The following SAMMSON variants were observed in gnomAD, a reference collection of about 807,000 sequenced individuals.
SAMMSON encodes the protein long intergenic non-protein coding RNA 1212.
chr3:70,234,664 T>C (rs1001068068), intron 4 of SAMMSON, among the ~76,000 whole-genome samples: 2 of 151,412 alleles, frequency 1.3e-5, no homozygotes, highest in Non-Finnish European at 2.9e-5. Context: ...AAGTTTCTGG[T>C]GCTTAATAGA....
chr3:70,125,424 TTC>T, intron 4 of SAMMSON: 1 of 1,108,380 alleles, frequency 9.0e-7, no homozygotes, highest in Non-Finnish European at 1.3e-6. Context: ...TCTCTAGAAA[TTC>T]TGTCCTTTTC....
At chr3:70,084,279 C>G (rs1444477398) in intron 4 of SAMMSON, among the ~76,000 whole-genome samples, 1 of 152,130 alleles carries the variant, frequency 6.6e-6, no homozygotes, top group African/African-American at 2.4e-5. Flanking sequence ...CTGCTGCAAC[C>G]TTTTCTAGAA....
At chr3:70,325,966 A>G (rs546557655) in intron 7 of SAMMSON, among the ~76,000 whole-genome samples, 1 of 152,238 alleles carries the variant, frequency 6.6e-6, no homozygotes, top group Admixed American at 6.5e-5. Context: ...TGATTGTTAC[A>G]ACTTTATTTT....
At chr3:70,305,955 A>G (rs1186105827) in intron 7 of SAMMSON, among the ~76,000 whole-genome samples, 1 of 152,128 alleles carries the variant, frequency 6.6e-6, no homozygotes, top group Non-Finnish European at 1.5e-5. Context: ...AGTATTTTGG[A>G]TTATTAGTCT....
intron 4 of SAMMSON, among the ~76,000 whole-genome samples, chr3:70,236,078 G>C (rs1027823461): frequency 1.3e-5 from 2 of 151,572 alleles, no homozygotes; most frequent in African/African-American, 4.9e-5. Context: ...CACGACCTTG[G>C]CTTTAGCTCT....
intron 9 of SAMMSON, among the ~76,000 whole-genome samples, chr3:70,386,789 G>A (rs955853195): frequency 2.0e-5 from 3 of 152,066 alleles, no homozygotes; most frequent in African/African-American, 7.2e-5. Context: ...TAGGGTAAAG[G>A]AAGGTGGCTT....
chr3:70,171,096 A>G (rs1700940376), intron 4 of SAMMSON, among the ~76,000 whole-genome samples: 2 of 151,924 alleles, frequency 1.3e-5, no homozygotes, highest in Non-Finnish European at 2.9e-5. Flanking sequence ...ACTTCCAGAA[A>G]TAACTGTCTG....
rs1479027107 is a variant in SAMMSON at position 70,274,096 on chromosome 3, C to CAT, written n.675-17083_675-17082insAT. Among the ~76,000 whole-genome samples the CAT allele has an allele frequency of 2.7e-4, 40 of 149,282 alleles. 2 individuals are homozygous for CAT. The South Asian group carries it at 5.0e-3, about 19-fold the overall frequency. ...GTGTGTGTGTGTGTGTGTGTGCGCGCGCGCATGTGTGTGTGTGAGACTGGG... is the reference window on the plus strand; with the variant it reads ...GTGTGTGTGTGTGTGTGTGTGCGCGCATGCGCATGTGTGTGTGTGAGACTGGG... On this transcript the variant is annotated intron_variant and non_coding_transcript_variant, in intron 6 of 9. Coordinates refer to ENST00000642114, the Ensembl canonical transcript of SAMMSON.
chr3:70,259,230 A>G (rs188383137), intron 6 of SAMMSON, among the ~76,000 whole-genome samples: 150 of 152,300 alleles, frequency 9.8e-4, no homozygotes, highest in African/African-American at 3.5e-3. Context: ...GTCTATGCTA[A>G]AAACCTACAA....
intron 4 of SAMMSON, among the ~76,000 whole-genome samples, chr3:70,136,298 A>T (rs2067505517): frequency 6.6e-6 from 1 of 152,196 alleles, no homozygotes; most frequent in African/African-American, 2.4e-5. Context: ...AGACTATGAA[A>T]GGCATTATAG....
At chr3:70,330,452 TA>T (rs1277912077) in intron 7 of SAMMSON, among the ~76,000 whole-genome samples, 2 of 152,172 alleles carry the variant, frequency 1.3e-5, no homozygotes, top group Non-Finnish European at 2.9e-5. Context: ...TGTCTTTATA[TA>T]ATACCACTTA....
At chr3:70,011,530 G>A (rs2066955621) in intron 1 of SAMMSON, among the ~76,000 whole-genome samples, 1 of 151,460 alleles carries the variant, frequency 6.6e-6, no homozygotes, top group Admixed American at 6.6e-5. Context: ...ACCCCTGAGT[G>A]CTTTCATTTA....
chr3:70,396,619 G>A (rs886159673), intron 2 of SAMMSON, among the ~76,000 whole-genome samples: 6 of 152,192 alleles, frequency 3.9e-5, no homozygotes, highest in African/African-American at 1.2e-4. Flanking sequence ...AAGGTTTCAT[G>A]TGGGCAGCTG....
intron 4 of SAMMSON, among the ~76,000 whole-genome samples, chr3:70,239,241 A>C (rs973077524): frequency 1.3e-5 from 2 of 152,260 alleles, no homozygotes; most frequent in East Asian, 1.9e-4. Flanking sequence ...TATCTTGTAG[A>C]TATTGTTATC....
At chr3:70,159,778 C>T (rs2067607188) in intron 4 of SAMMSON, among the ~76,000 whole-genome samples, 1 of 151,970 alleles carries the variant, frequency 6.6e-6, no homozygotes, top group Non-Finnish European at 1.5e-5. Flanking sequence ...AGGATGGTCT[C>T]AAACTCTTGA....
intron 3 of SAMMSON, among the ~76,000 whole-genome samples, chr3:70,021,668 A>T (rs751908859): frequency 6.6e-6 from 1 of 152,106 alleles, no homozygotes; most frequent in Admixed American, 6.6e-5. Flanking sequence ...GATTGTGGTG[A>T]TATTAACAGG....
At chr3:70,396,585 G>A (rs1317834761) in intron 2 of SAMMSON, among the ~76,000 whole-genome samples, 1 of 152,182 alleles carries the variant, frequency 6.6e-6, no homozygotes, top group Admixed American at 6.5e-5. Context: ...AAGTAACTGT[G>A]AAATATCTAT....
intron 4 of SAMMSON, among the ~76,000 whole-genome samples, chr3:70,215,259 G>A (rs185667044): frequency 2.0e-5 from 3 of 152,178 alleles, no homozygotes; most frequent in East Asian, 1.9e-4. Flanking sequence ...AGATTACCCC[G>A]CTGGTAAGGG....
At chr3:70,348,006 A>G (rs1427116615) in intron 7 of SAMMSON, among the ~76,000 whole-genome samples, 1 of 152,100 alleles carries the variant, frequency 6.6e-6, no homozygotes, top group African/African-American at 2.4e-5. Flanking sequence ...TCGCGCCACT[A>G]CACTCCAGCC....
Sources: gnomAD v4.1 joint callset for allele counts (sites outside exome capture counted in the v4.1 genomes callset) on GRCh38, gnomAD v4.1.1 for gene constraint, MANE v1.5 for transcripts, NCBI Gene and HGNC (gene_info 2026-07-23, HGNC 2026-07-21) for gene names.